Variants in LRRTM4 observed in about 807,000 individuals in gnomAD.
The protein encoded by LRRTM4 is leucine-rich repeat transmembrane neuronal protein 4.
A neutral mutation model predicts 47.6 loss-of-function variants in LRRTM4; 25 were observed. The ratio of observed to expected loss-of-function variants is 0.53; its 90% CI spans 0.38 to 0.73. LRRTM4 has a LOEUF of 0.73. LRRTM4 is among the 30% of genes least tolerant of loss of function. The pLI is 0.00. For missense variants in LRRTM4, 638 were observed against 713.4 expected (o/e 0.89, Z 1.20); for synonymous variants, 311 against 269.5 (o/e 1.15, Z -1.51).
At chr2:76,773,530 G>A (rs1171513303) in intron 3 of LRRTM4, among the ~76,000 whole-genome samples, 1 of 152,044 alleles carries the variant, frequency 6.6e-6, no homozygotes, top group African/African-American at 2.4e-5. Flanking sequence ...ATATAGTAAA[G>A]TGATGTCATT....
chr2:77,437,395 G>A (rs1387998175), intron 3 of LRRTM4, among the ~76,000 whole-genome samples: 1 of 151,924 alleles, frequency 6.6e-6, no homozygotes, highest in Admixed American at 6.6e-5. Context: ...CAAGGTAATT[G>A]CATTATCTCA....
intron 3 of LRRTM4, among the ~76,000 whole-genome samples, chr2:76,868,399 A>G (rs1157207670): frequency 1.3e-5 from 2 of 152,128 alleles, no homozygotes; most frequent in African/African-American, 4.8e-5. Flanking sequence ...AATTTTTTTT[A>G]GTGTGAACAA....
intron 3 of LRRTM4, among the ~76,000 whole-genome samples, chr2:76,847,683 C>T (rs1671876044): frequency 6.6e-6 from 1 of 151,640 alleles, no homozygotes; most frequent in Non-Finnish European, 1.5e-5. Context: ...AATGATATTC[C>T]ATTACTTATT....
intron 3 of LRRTM4, among the ~76,000 whole-genome samples, chr2:77,025,826 T>C (rs189321665): frequency 6.6e-6 from 1 of 152,300 alleles, no homozygotes; most frequent in East Asian, 1.9e-4. Flanking sequence ...TCATTTTAAA[T>C]GCCATTTTAT....
At chr2:77,169,732 G>T (rs1008284919) in intron 3 of LRRTM4, among the ~76,000 whole-genome samples, 1 of 152,086 alleles carries the variant, frequency 6.6e-6, no homozygotes, top group Admixed American at 6.6e-5. Flanking sequence ...GTCCCTGGAC[G>T]TCCATCCTCC....
intron 3 of LRRTM4, among the ~76,000 whole-genome samples, chr2:76,914,538 A>G (rs1444478492): frequency 6.6e-6 from 1 of 152,268 alleles, no homozygotes; most frequent in Non-Finnish European, 1.5e-5. Flanking sequence ...AATCAGGATT[A>G]TAAGTATATT....
intron 3 of LRRTM4, among the ~76,000 whole-genome samples, chr2:77,228,265 A>G (rs1047686486): frequency 2.0e-5 from 3 of 152,090 alleles, no homozygotes; most frequent in African/African-American, 7.2e-5. Flanking sequence ...ATTTATATTT[A>G]CATTGGTAAG....
chr2:77,034,369 A>G (rs1678765272), intron 3 of LRRTM4, among the ~76,000 whole-genome samples: 1 of 151,948 alleles, frequency 6.6e-6, no homozygotes, highest in Admixed American at 6.6e-5. Flanking sequence ...TGCTCTTTTG[A>G]CATTTATTGC....
rs138048122 is a variant in LRRTM4, at chr2:77,034,026, T to C, written c.1552-285110A>G. ...AGTATGCTTAGTATACCTTTATTAT[T>C]GATAATTAAATACTGGAAAAAACCA... On this transcript the variant is annotated intron_variant, in intron 3 of 3. Transcript: ENST00000409884. Among the ~76,000 whole-genome samples the C allele has an allele frequency of 3.8e-4, 57 of 151,902 alleles. No individual in the cohort carries two copies. In the East Asian group the frequency reaches 0.01, roughly 27 times the overall value.
chr2:76,992,398 A>G (rs779364122), intron 3 of LRRTM4, among the ~76,000 whole-genome samples: 1 of 151,822 alleles, frequency 6.6e-6, no homozygotes, highest in African/African-American at 2.4e-5. Flanking sequence ...GACTTTGCCT[A>G]AAGTCTAATA....
At position 77,170,180 on chromosome 2, in the gene LRRTM4, C is replaced by T. The variant is rs566682270; in HGVS notation, c.1551+348138G>A. On this transcript the variant is annotated intron_variant, in intron 3 of 3. Coordinates refer to ENST00000409884, the MANE Select transcript of LRRTM4 (RefSeq NM_001134745.3). ...TGATCCTATATTATATAGGTGGGTC[C>T]AGTCTAATCATGTGAGTCCTTAAGA... 3.9e-5 allele frequency among the ~76,000 whole-genome samples: 6 copies of T among 152,002 alleles called. No individual in the cohort carries two copies. The East Asian group carries it at 1.2e-3, about 30-fold the overall frequency.
At position 77,521,480 on chromosome 2, in the gene LRRTM4, A is replaced by T. The variant is rs1447900005; in HGVS notation, c.4+188T>A. ...GTTCGTGTTGTGCATTTATAGATTAAAAAAAAAACACTGCAAAAAGGAAAA... is the reference window on the plus strand; with the variant it reads ...GTTCGTGTTGTGCATTTATAGATTATAAAAAAAACACTGCAAAAAGGAAAA... On this transcript the variant is annotated intron_variant, in intron 2 of 3. Coordinates refer to ENST00000409884, the MANE Select transcript of LRRTM4 (RefSeq NM_001134745.3). Among the ~76,000 whole-genome samples the T allele has an allele frequency of 8.6e-5, 7 of 81,700 alleles. No homozygotes were observed. In the East Asian group the frequency reaches 1.4e-3, roughly 16 times the overall value. 53.6% of individuals were successfully genotyped at this position (81,700 alleles called of 152,430 possible).
At chr2:77,021,971 C>T (rs1437962826) in intron 3 of LRRTM4, among the ~76,000 whole-genome samples, 1 of 152,142 alleles carries the variant, frequency 6.6e-6, no homozygotes, top group Non-Finnish European at 1.5e-5. Flanking sequence ...CTTTGATCAA[C>T]ATATCCCCTT....
chr2:76,783,351 A>C (rs886438592), intron 3 of LRRTM4, among the ~76,000 whole-genome samples: 1 of 152,328 alleles, frequency 6.6e-6, no homozygotes, highest in Non-Finnish European at 1.5e-5. Context: ...TGTTTTATTT[A>C]GTATATTTTT....
chr2:77,240,254 T>A (rs1054286845), intron 3 of LRRTM4, among the ~76,000 whole-genome samples: 3 of 151,834 alleles, frequency 2.0e-5, no homozygotes, highest in African/African-American at 7.2e-5. Context: ...AAACATAATA[T>A]ATCAAAATTA....
chr2:77,290,331 T>C (rs902675640), intron 3 of LRRTM4, among the ~76,000 whole-genome samples: 6 of 149,008 alleles, frequency 4.0e-5, no homozygotes, highest in East Asian at 2.0e-4. Context: ...TTCTCACTAA[T>C]ATGTGGGAGG....
intron 3 of LRRTM4, among the ~76,000 whole-genome samples, chr2:76,942,509 C>T (rs1457628576): frequency 8.3e-5 from 8 of 96,802 alleles, no homozygotes; most frequent in African/African-American, 1.1e-4. Context: ...TTTTTTTTTG[C>T]GATAAAAACA....
At chr2:77,152,509 T>A (rs1672456734) in intron 3 of LRRTM4, among the ~76,000 whole-genome samples, 1 of 152,076 alleles carries the variant, frequency 6.6e-6, no homozygotes, top group Non-Finnish European at 1.5e-5. Context: ...TTTGTGTTTT[T>A]AGTACAGACG....
intron 3 of LRRTM4, among the ~76,000 whole-genome samples, chr2:76,934,413 A>G (rs1309085132): frequency 1.3e-5 from 2 of 152,208 alleles, no homozygotes; most frequent in African/African-American, 2.4e-5. Context: ...GACTAGGGAC[A>G]TAACAACTAA....
Sources: allele counts gnomAD v4.1 joint callset (sites outside exome capture counted in the v4.1 genomes callset), GRCh38; gene constraint gnomAD v4.1.1; transcripts MANE v1.5; gene names NCBI Gene and HGNC (gene_info 2026-07-23, HGNC 2026-07-21).